The following BMPR2 variants were observed in gnomAD, a reference collection of about 807,000 sequenced individuals.
BMPR2 encodes the protein bone morphogenetic protein receptor type-2.
Under a neutral mutation model 100.8 loss-of-function variants are expected in BMPR2, and 29 were observed. The observed-to-expected ratio is 0.29, with a 90% confidence interval of 0.21 to 0.39. BMPR2 has a LOEUF of 0.39. Ranked by LOEUF, BMPR2 falls within the 10% of genes least tolerant of loss-of-function variation. The pLI, the probability that BMPR2 is intolerant of heterozygous loss-of-function variation, is 1.00. For missense variants in BMPR2, 1,011 were observed against 1,274.5 expected, an observed-to-expected ratio of 0.79 and a Z score of 3.15; for synonymous variants, 382 against 442.3, an observed-to-expected ratio of 0.86 and a Z score of 1.71.
At chr2:202,462,920 C>G (rs1290336014) in intron 1 of BMPR2, among the ~76,000 whole-genome samples, 2 of 151,970 alleles carry the variant, frequency 1.3e-5, no homozygotes, top group Non-Finnish European at 2.9e-5. Flanking sequence ...ACCATGTTAG[C>G]CAGGCTGGTC....
intron 1 of BMPR2, among the ~76,000 whole-genome samples, chr2:202,393,933 G>T (rs1027390479): frequency 1.6e-4 from 20 of 121,678 alleles, no homozygotes; most frequent in Admixed American, 2.5e-4. Flanking sequence ...GAGAGAGAGA[G>T]ATTCCTGTGA....
At chr2:202,381,409 G>A (rs1690289735) in intron 1 of BMPR2, among the ~76,000 whole-genome samples, 1 of 152,164 alleles carries the variant, frequency 6.6e-6, no homozygotes, top group Non-Finnish European at 1.5e-5. Context: ...AGAGGGAGAA[G>A]TAACATCTAT....
At chr2:202,459,987 G>A (rs1452772460) in intron 1 of BMPR2, among the ~76,000 whole-genome samples, 1 of 152,104 alleles carries the variant, frequency 6.6e-6, no homozygotes, top group Non-Finnish European at 1.5e-5. Flanking sequence ...CATGCATATG[G>A]CCAACAATTA....
intron 3 of BMPR2, among the ~76,000 whole-genome samples, chr2:202,472,450 G>T (rs930868993): frequency 6.6e-6 from 1 of 152,114 alleles, no homozygotes; most frequent in Non-Finnish European, 1.5e-5. Context: ...CCTGAGGTCC[G>T]GAGTTCCATG....
At chr2:202,492,056 C>T (rs1356101956) in intron 3 of BMPR2, among the ~76,000 whole-genome samples, 1 of 152,006 alleles carries the variant, frequency 6.6e-6, no homozygotes, top group Non-Finnish European at 1.5e-5. Context: ...AAGCAAGGCA[C>T]AAAAATTCCA....
chr2:202,474,548 T>A (rs1359504284), intron 3 of BMPR2, among the ~76,000 whole-genome samples: 1 of 151,872 alleles, frequency 6.6e-6, no homozygotes, highest in African/African-American at 2.4e-5. Context: ...TGAGGCGGAG[T>A]CTCGCTCTGT....
rs897323605 is a variant in BMPR2 at position 202,497,228 on chromosome 2, C to T, written c.419-16491C>T. On this transcript the variant is annotated intron_variant, in intron 3 of 12. Coordinates refer to ENST00000374580, the MANE Select transcript of BMPR2 (RefSeq NM_001204.7). The stretch of plus-strand genomic sequence containing the variant: ...GGCCCCTGTGCGGCCCGAGCCTCCC[C>T]GATGAGTGCCGCCCCCTGCTCCACG... Among the ~76,000 whole-genome samples, 14 of 152,236 alleles carry T rather than the reference C, an allele frequency of 9.2e-5. 1 individual carries two copies. The South Asian group carries it at 1.7e-3, about 18-fold the overall frequency.
intron 10 of BMPR2, among the ~76,000 whole-genome samples, chr2:202,545,620 G>A (rs1238416259): frequency 6.6e-6 from 1 of 152,140 alleles, no homozygotes. Flanking sequence ...TGTCATGTCA[G>A]AGACAGGGTA....
intron 1 of BMPR2, among the ~76,000 whole-genome samples, chr2:202,449,296 G>A (rs1037971506): frequency 3.3e-5 from 5 of 149,374 alleles, no homozygotes; most frequent in Admixed American, 2.0e-4. Context: ...CAACAAGAGC[G>A]AAACTCCATC....
chr2:202,408,775 T>G (rs1690951601), intron 1 of BMPR2, among the ~76,000 whole-genome samples: 1 of 152,234 alleles, frequency 6.6e-6, no homozygotes, highest in Non-Finnish European at 1.5e-5. Context: ...TATCCATGTT[T>G]TTATTTCGCA....
At chr2:202,384,568 CTTTTT>C (rs1690382740) in intron 1 of BMPR2, among the ~76,000 whole-genome samples, 2 of 11,324 alleles carry the variant, frequency 1.8e-4, no homozygotes, top group South Asian at 7.6e-3. Context: ...TTCTTTCTTT[CTTTTT>C]CTTTCTTTTC....
intron 1 of BMPR2, among the ~76,000 whole-genome samples, chr2:202,425,582 C>T (rs1032371711): frequency 6.6e-6 from 1 of 152,106 alleles, no homozygotes; most frequent in African/African-American, 2.4e-5. Context: ...CTTTATTTAA[C>T]AGATATAGAG....
At chr2:202,400,920 G>T (rs765787990) in intron 1 of BMPR2, among the ~76,000 whole-genome samples, 2 of 151,822 alleles carry the variant, frequency 1.3e-5, no homozygotes, top group Non-Finnish European at 2.9e-5. Context: ...ACTGAATTCC[G>T]AACTCTCCTA....
intron 7 of BMPR2, chr2:202,520,545 C>A: frequency 3.1e-6 from 1 of 324,514 alleles, no homozygotes; most frequent in South Asian, 3.0e-5. Context: ...AAGTATCTAG[C>A]CTTCCTCTGC....
intron 3 of BMPR2, among the ~76,000 whole-genome samples, chr2:202,500,449 C>T (rs1188455924): frequency 6.6e-6 from 1 of 152,134 alleles, no homozygotes; most frequent in Non-Finnish European, 1.5e-5. Context: ...TTTGTTGTCC[C>T]CTACTTGAGG....
intron 1 of BMPR2, among the ~76,000 whole-genome samples, chr2:202,411,433 A>G (rs1298722568): frequency 2.0e-5 from 3 of 152,258 alleles, no homozygotes; most frequent in African/African-American, 2.4e-5. Flanking sequence ...GTGATTGCTC[A>G]TTACAAAATT....
chr2:202,559,958 G>T lies in BMPR2; in HGVS notation c.*12G>T. On this transcript the variant is annotated 3_prime_UTR_variant, in exon 13 of 13. Transcript: ENST00000374580. ...TGAACTGTCTGTGAAATGTTTTCAA[G>T]CCTATGGAGTGAAATTATTTTTTGC... is the stretch of plus-strand genomic sequence containing the variant. The T allele has an allele frequency of 4.3e-6, 7 of 1,613,780 alleles. No individual in the cohort carries two copies.
At chr2:202,556,577 C>T in intron 12 of BMPR2, 46 bp downstream of exon 12, 1 of 1,583,200 alleles carries the variant, frequency 6.3e-7, no homozygotes, top group Non-Finnish European at 8.6e-7. Context: ...CTTTTGGGGC[C>T]ATTTAAATAA....
At position 202,481,172 on chromosome 2, in the gene BMPR2, TCTTC is replaced by T. The variant is rs1243406741; in HGVS notation, c.418+13484_418+13487del. On this transcript the variant is annotated intron_variant, in intron 3 of 12. Coordinates refer to ENST00000374580, the MANE Select transcript of BMPR2 (RefSeq NM_001204.7). ...TTCTTTTTCTTTCTCTTCTCTTTTC[TCTTC>T]TCTTCTCTTCTCTTCTCTTGAGATG... is the stretch of plus-strand genomic sequence containing the variant. 3.3e-3 allele frequency among the ~76,000 whole-genome samples: 482 copies of T among 147,578 alleles called. 2 individuals carry two copies. Among genetic ancestry groups the T allele is most frequent in the African/African-American group, 0.012 (467 of 37,938 alleles).
Sources: gnomAD v4.1 joint callset for allele counts (sites outside exome capture counted in the v4.1 genomes callset) on GRCh38, gnomAD v4.1.1 for gene constraint, MANE v1.5 for transcripts, NCBI Gene and HGNC (gene_info 2026-07-23, HGNC 2026-07-21) for gene names.